Variants in WWOX observed in about 807,000 individuals in gnomAD.
WWOX encodes WW domain-containing oxidoreductase.
A neutral mutation model predicts 46.2 loss-of-function variants in WWOX; 69 were observed. That is an observed-to-expected ratio of 1.49 (90% CI 1.23 to 1.82). The LOEUF (loss-of-function observed/expected upper bound fraction) is 1.82. Ranked by LOEUF, WWOX falls within the 40% of genes most tolerant of loss-of-function variation. WWOX has a pLI of 0.00. For missense variants in WWOX, 919 were observed against 542.6 expected (o/e 1.69, Z -6.89); for synonymous variants, 359 against 202.6 (o/e 1.77, Z -6.56).
chr16:79,100,027 C>G lies in WWOX; in HGVS notation c.1057-111581C>G, dbSNP rs77487907. ...TTCTCCAGGAAAAGAAACAGTTCTT[C>G]TCTTAAAATCTTCCAAATGATTGAC... On this transcript the variant is annotated intron_variant, in intron 8 of 8. Transcript: ENST00000566780. Among the ~76,000 whole-genome samples, 554 of 152,270 alleles carry G rather than the reference C, an allele frequency of 3.6e-3. 4 individuals are homozygous for G. The highest frequency in any genetic ancestry group is 0.012 in the African/African-American group (514 of 41,530).
At chr16:78,278,572 T>C (rs1468214542) in intron 5 of WWOX, 1 of 1,593,810 alleles carries the variant, frequency 6.3e-7, no homozygotes, top group African/African-American at 1.3e-5. Flanking sequence ...AACTTAATTT[T>C]ACACAACTGT....
intron 8 of WWOX, among the ~76,000 whole-genome samples, chr16:78,817,491 A>G (rs1485372545): frequency 1.3e-5 from 2 of 152,222 alleles, no homozygotes; most frequent in Non-Finnish European, 2.9e-5. Context: ...TGCATAAGGC[A>G]CACTGCAAAA....
intron 6 of WWOX, among the ~76,000 whole-genome samples, chr16:78,397,054 A>C (rs909053598): frequency 3.9e-5 from 6 of 152,198 alleles, no homozygotes; most frequent in Non-Finnish European, 5.9e-5. Context: ...GGTCTGGTCA[A>C]GGTAAATAAG....
chr16:78,540,951 G>T (rs1045143392), intron 8 of WWOX, among the ~76,000 whole-genome samples: 1 of 152,092 alleles, frequency 6.6e-6, no homozygotes, highest in Non-Finnish European at 1.5e-5. Flanking sequence ...CTCCCGAAGC[G>T]CTGGGACCAA....
At chr16:79,040,387 GC>G (rs2047948054) in intron 8 of WWOX, among the ~76,000 whole-genome samples, 1 of 150,344 alleles carries the variant, frequency 6.7e-6, no homozygotes, top group Non-Finnish European at 1.5e-5. Context: ...CGATCCTCCT[GC>G]CTCAGCCTCA....
chr16:78,859,517 C>T (rs1294205986), intron 8 of WWOX, among the ~76,000 whole-genome samples: 1 of 152,118 alleles, frequency 6.6e-6, no homozygotes, highest in African/African-American at 2.4e-5. Flanking sequence ...TTATCATTAG[C>T]ACCCATTCCA....
At chr16:79,113,288 G>C (rs2049451545) in intron 8 of WWOX, among the ~76,000 whole-genome samples, 1 of 152,166 alleles carries the variant, frequency 6.6e-6, no homozygotes, top group Non-Finnish European at 1.5e-5. Context: ...TGGATGACGG[G>C]TGAAGAATTC....
intron 8 of WWOX, among the ~76,000 whole-genome samples, chr16:78,916,399 G>A (rs1336594361): frequency 3.9e-5 from 6 of 152,220 alleles, no homozygotes; most frequent in African/African-American, 1.4e-4. Flanking sequence ...AGTCAAACAT[G>A]GGAAGACTGG....
intron 8 of WWOX, among the ~76,000 whole-genome samples, chr16:79,005,474 T>G (rs1055074170): frequency 6.6e-5 from 10 of 152,174 alleles, no homozygotes; most frequent in Non-Finnish European, 7.3e-5. Flanking sequence ...AGGCTCAAAT[T>G]TGCAAGTCGA....
At chr16:78,634,036 G>T (rs1221662602) in intron 8 of WWOX, among the ~76,000 whole-genome samples, 2 of 152,086 alleles carry the variant, frequency 1.3e-5, no homozygotes, top group East Asian at 3.9e-4. Context: ...GCCAGCTGTG[G>T]GGTTGGACCC....
intron 8 of WWOX, among the ~76,000 whole-genome samples, chr16:78,544,034 G>T (rs1231987936): frequency 6.6e-6 from 1 of 151,988 alleles, no homozygotes; most frequent in African/African-American, 2.4e-5. Context: ...CTAGTAGTAG[G>T]GCTTAGAGGT....
rs1406788261 is a variant in WWOX, at chr16:78,154,139, C to T, written c.410-10044C>T. ...AGCTCACCAGTGGCCCACAGGGCAC[C>T]TTGGACACCTAGACTTAGGCAGTCC... On this transcript the variant is annotated intron_variant, in intron 4 of 8. Transcript: ENST00000566780. 3.3e-5 allele frequency among the ~76,000 whole-genome samples: 5 copies of T among 152,170 alleles called. No homozygotes were observed. In the East Asian group the frequency reaches 5.8e-4, roughly 18 times the overall value.
At chr16:78,312,143 C>T (rs2080257443) in intron 5 of WWOX, among the ~76,000 whole-genome samples, 1 of 152,116 alleles carries the variant, frequency 6.6e-6, no homozygotes, top group South Asian at 2.1e-4. Context: ...TCATTGGTCT[C>T]AGCTGGATAG....
At chr16:78,454,530 A>G (rs1188354073) in intron 8 of WWOX, among the ~76,000 whole-genome samples, 1 of 152,002 alleles carries the variant, frequency 6.6e-6, no homozygotes, top group Non-Finnish European at 1.5e-5. Flanking sequence ...TTTGAGACAG[A>G]ATTTCACTTT....
chr16:78,364,536 T>A (rs2081488448), intron 5 of WWOX, among the ~76,000 whole-genome samples: 1 of 149,202 alleles, frequency 6.7e-6, no homozygotes, highest in African/African-American at 2.5e-5. Context: ...AACAAATAAA[T>A]CTTTGGGACT....
intron 8 of WWOX, among the ~76,000 whole-genome samples, chr16:78,997,416 A>G (rs771492072): frequency 2.6e-5 from 4 of 152,158 alleles, no homozygotes; most frequent in Non-Finnish European, 4.4e-5. Context: ...AGAATTTTTT[A>G]AAAAATAGGT....
In WWOX at chr16:78,192,842, G is replaced by A. The variant is rs1239590439; in HGVS notation, c.516+28553G>A. The stretch of plus-strand genomic sequence containing the variant: ...TTATGTAACTTAAGTGAAACATAAA[G>A]CTATGACTTGAATTTTGTGGTTAGA... On this transcript the variant is annotated intron_variant, in intron 5 of 8. Coordinates refer to ENST00000566780, the MANE Select transcript of WWOX (RefSeq NM_016373.4). Among the ~76,000 whole-genome samples, 8 of 152,324 alleles carry A rather than the reference G, an allele frequency of 5.3e-5. No homozygotes were observed. The South Asian group carries it at 1.2e-3, about 24-fold the overall frequency.
chr16:78,513,905 C>G (rs1454859853), intron 8 of WWOX, among the ~76,000 whole-genome samples: 1 of 149,922 alleles, frequency 6.7e-6, no homozygotes, highest in Non-Finnish European at 1.5e-5. Flanking sequence ...CCCCCCCCCC[C>G]CACTTGTATC....
At chr16:78,103,517 G>A (rs1007680227) in intron 1 of WWOX, among the ~76,000 whole-genome samples, 19 of 152,220 alleles carry the variant, frequency 1.2e-4, no homozygotes, top group African/African-American at 4.1e-4. Flanking sequence ...AGGGTTGAAA[G>A]GCTGAAATTC....
Sources: allele counts gnomAD v4.1 joint callset (sites outside exome capture counted in the v4.1 genomes callset), GRCh38; gene constraint gnomAD v4.1.1; transcripts MANE v1.5; gene names NCBI Gene and HGNC (gene_info 2026-07-23, HGNC 2026-07-21).